The following FAF1 variants were observed in gnomAD, a reference collection of about 807,000 sequenced individuals.
The protein encoded by FAF1 is FAS-associated factor 1.
A neutral mutation model predicts 92.5 loss-of-function variants in FAF1; 25 were observed. The observed-to-expected ratio is 0.27, with a 90% CI of 0.20 to 0.38. The LOEUF (loss-of-function observed/expected upper bound fraction) is 0.38, where lower values mean the gene tolerates loss of function less well. Ranked by LOEUF, FAF1 falls within the 10% of genes least tolerant of loss-of-function variation. FAF1 has a pLI of 1.00. For missense variants in FAF1, 636 were observed against 793.3 expected, an observed-to-expected ratio of 0.80 and a Z score of 2.38; for synonymous variants, 234 against 273.2, an observed-to-expected ratio of 0.86 and a Z score of 1.42.
chr1:50,803,715 T>C (rs1662085333), intron 2 of FAF1, among the ~76,000 whole-genome samples: 1 of 152,054 alleles, frequency 6.6e-6, no homozygotes, highest in South Asian at 2.1e-4. Context: ...GGGGAGGGGA[T>C]TCTATACAGA....
intron 6 of FAF1, chr1:50,715,110 A>C: frequency 2.8e-6 from 1 of 355,170 alleles, no homozygotes; most frequent in Non-Finnish European, 5.5e-6. Context: ...TTCTTCATCT[A>C]CCCTCAGATA....
In FAF1 at chr1:50,491,293, C is replaced by T. The variant is rs555348825; in HGVS notation, c.1575+428G>A. Among the ~76,000 whole-genome samples the T allele has an allele frequency of 3.9e-5, 6 of 152,324 alleles. No individual in the cohort carries two copies. The East Asian group carries it at 1.2e-3, about 29-fold the overall frequency. On this transcript the variant is annotated intron_variant, in intron 16 of 18. Transcript: ENST00000396153. ...ACTTGTGTTCTTTACTTAATCAACTCTACCACATTGTGAAACTTCCTTTGA... is the reference window on the plus strand; with the variant it reads ...ACTTGTGTTCTTTACTTAATCAACTTTACCACATTGTGAAACTTCCTTTGA...
chr1:50,668,777 AT>A (rs1284321898), intron 7 of FAF1, among the ~76,000 whole-genome samples: 3 of 152,124 alleles, frequency 2.0e-5, no homozygotes, highest in African/African-American at 7.2e-5. Context: ...AGATATAGCT[AT>A]TTTAGAAAGA....
intron 1 of FAF1, among the ~76,000 whole-genome samples, chr1:50,861,863 C>G (rs1644436008): frequency 2.6e-5 from 4 of 151,742 alleles, no homozygotes; most frequent in Non-Finnish European, 5.9e-5. Context: ...AGACAGCAGC[C>G]ATCTGCAAGT....
At chr1:50,647,922 G>A (rs1033468460) in intron 8 of FAF1, among the ~76,000 whole-genome samples, 6 of 152,114 alleles carry the variant, frequency 3.9e-5, no homozygotes, top group African/African-American at 1.2e-4. Flanking sequence ...AAGAGGGTTG[G>A]AGAAGGCAGC....
chr1:50,816,076 GGA>G (rs911346035), intron 2 of FAF1, among the ~76,000 whole-genome samples: 3 of 150,954 alleles, frequency 2.0e-5, no homozygotes, highest in Admixed American at 2.0e-4. Flanking sequence ...GGTGTGAGAT[GGA>G]ATCTCCTAGT....
chr1:50,664,291 C>T (rs562963200), intron 7 of FAF1, among the ~76,000 whole-genome samples: 3 of 150,064 alleles, frequency 2.0e-5, no homozygotes, highest in East Asian at 3.9e-4. Context: ...CCACTGTGCC[C>T]GGCCAATCTT....
intron 1 of FAF1, among the ~76,000 whole-genome samples, chr1:50,931,079 C>G (rs551781624): frequency 1.3e-5 from 2 of 152,084 alleles, no homozygotes; most frequent in African/African-American, 4.8e-5. Context: ...TTCTCTTATA[C>G]GAAATATAGA....
At chr1:50,614,400 A>G (rs537359363) in intron 8 of FAF1, among the ~76,000 whole-genome samples, 16 of 152,272 alleles carry the variant, frequency 1.1e-4, no homozygotes, top group Admixed American at 7.2e-4. Context: ...GTATTGAAAT[A>G]TTAGAGTTAA....
intron 8 of FAF1, among the ~76,000 whole-genome samples, chr1:50,599,638 T>TA (rs1652001230): frequency 6.6e-6 from 1 of 152,222 alleles, no homozygotes; most frequent in Non-Finnish European, 1.5e-5. Flanking sequence ...TGTCTTTTAA[T>TA]ATTCTATGTG....
rs527348045 is a variant in FAF1, at chr1:50,887,318, C to T, written c.46-29321G>A. ...TAGATTGAAAAAATTTTCTCCCATTCGGTAGGTTGCCTGTTCACTCTGATG... is the reference window on the plus strand; with the variant it reads ...TAGATTGAAAAAATTTTCTCCCATTTGGTAGGTTGCCTGTTCACTCTGATG... On this transcript the variant is annotated intron_variant, in intron 1 of 18. Coordinates refer to ENST00000396153, the MANE Select transcript of FAF1 (RefSeq NM_007051.3). 7.1e-4 allele frequency among the ~76,000 whole-genome samples: 108 copies of T among 152,220 alleles called. No individual in the cohort carries two copies. The East Asian group carries it at 8.3e-3, about 12-fold the overall frequency.
intron 1 of FAF1, among the ~76,000 whole-genome samples, chr1:50,882,304 C>A (rs1277244188): frequency 6.6e-6 from 1 of 152,090 alleles, no homozygotes; most frequent in Non-Finnish European, 1.5e-5. Flanking sequence ...ATTAAATATA[C>A]ATATGTAGGC....
intron 8 of FAF1, among the ~76,000 whole-genome samples, chr1:50,623,531 G>C (rs1653312166): frequency 6.6e-6 from 1 of 151,012 alleles, no homozygotes; most frequent in African/African-American, 2.4e-5. Flanking sequence ...CTGAGATCGT[G>C]CCACTTGCAC....
chr1:50,456,889 C>T (rs947070959), intron 18 of FAF1, among the ~76,000 whole-genome samples: 1 of 152,146 alleles, frequency 6.6e-6, no homozygotes, highest in Non-Finnish European at 1.5e-5. Context: ...TTTCTTTCCT[C>T]CTTGTCTCAA....
intron 2 of FAF1, among the ~76,000 whole-genome samples, chr1:50,810,452 T>C (rs1569984762): frequency 6.6e-6 from 1 of 152,238 alleles, no homozygotes; most frequent in East Asian, 1.9e-4. Flanking sequence ...AACCCATCTA[T>C]GACAAATCCA....
intron 1 of FAF1, among the ~76,000 whole-genome samples, chr1:50,908,311 A>G (rs1644856196): frequency 1.3e-5 from 2 of 152,188 alleles, no homozygotes; most frequent in Non-Finnish European, 2.9e-5. Context: ...CAATTTTGGA[A>G]TAAGTGTGAT....
intron 1 of FAF1, among the ~76,000 whole-genome samples, chr1:50,917,646 A>T (rs1334247178): frequency 7.6e-6 from 1 of 132,404 alleles, no homozygotes; most frequent in Non-Finnish European, 1.6e-5. Context: ...AAGGAAAGGA[A>T]AGGAAAGGAA....
rs777703832 is a variant in FAF1 at position 50,583,746 on chromosome 1, C to CA, written c.968-32dup. On this transcript the variant is annotated intron_variant, in intron 10 of 18. Coordinates refer to ENST00000396153, the MANE Select transcript of FAF1 (RefSeq NM_007051.3). The surrounding 1 kb of genome is among the most constrained non-coding windows in gnomAD (Gnocchi z 4.2). Reference sequence around the variant, plus strand: ...AAACAAACAAAAGAAAAAACAAAAACAAAAAAACAAAACAAATAGACACAA... The same window carrying CA: ...AAACAAACAAAAGAAAAAACAAAAACAAAAAAAACAAAACAAATAGACACAA... The CA allele has an allele frequency of 2.2e-5, 32 of 1,456,744 alleles. No homozygotes were observed. In the South Asian group the frequency reaches 2.3e-4, roughly 10 times the overall value. The allele number at this position is 1,456,744 out of a possible 1,614,324, so 90.2% of individuals were successfully genotyped here.
At chr1:50,867,549 G>C (rs1364698839) in intron 1 of FAF1, among the ~76,000 whole-genome samples, 1 of 151,794 alleles carries the variant, frequency 6.6e-6, no homozygotes, top group Non-Finnish European at 1.5e-5. Context: ...CTCAAAAGAA[G>C]ACATACAAAT....
Sources: allele counts gnomAD v4.1 joint callset (sites outside exome capture counted in the v4.1 genomes callset), GRCh38; gene constraint gnomAD v4.1.1; non-coding constraint Gnocchi (gnomAD v3.1); transcripts MANE v1.5; gene names NCBI Gene and HGNC (gene_info 2026-07-23, HGNC 2026-07-21).